Variants in URM1 observed in about 807,000 individuals in gnomAD.
URM1 encodes the protein ubiquitin related modifier 1, also known as ubiquitin-related modifier 1.
In URM1, 11 loss-of-function variants were observed where a neutral mutation model predicts 17.7. The ratio of observed to expected loss-of-function variants is 0.62; its 90% confidence interval spans 0.39 to 1.03. The LOEUF is 1.03. Ranked by LOEUF, URM1 falls within the 50% of genes least tolerant of loss-of-function variation. URM1 has a pLI of 0.00. For synonymous variants in URM1, 48 were observed against 50.6 expected (o/e 0.95, Z 0.22); for missense variants, 128 against 129.2 (o/e 0.99, Z 0.04).
At chr9:128,377,116 C>A (rs548420881) in intron 1 of URM1, among the ~76,000 whole-genome samples, 1 of 152,350 alleles carries the variant, frequency 6.6e-6, no homozygotes, top group South Asian at 2.1e-4. Context: ...AAGCAGTCAT[C>A]TCGCCTTGGC....
At position 128,379,240 on chromosome 9, in the gene URM1, G is replaced by C. The variant is rs12056967; in HGVS notation, c.106+1134G>C. On this transcript the variant is annotated intron_variant, in intron 2 of 4. Coordinates refer to ENST00000372853, the MANE Select transcript of URM1 (RefSeq NM_030914.4). ...CTCACACCTTTAATCCCAGCACTTTGGGAGGCTGAGGCGGGCAGATCACGA... is the reference window on the plus strand; with the variant it reads ...CTCACACCTTTAATCCCAGCACTTTCGGAGGCTGAGGCGGGCAGATCACGA... 2.1e-3 allele frequency among the ~76,000 whole-genome samples: 315 copies of C among 152,290 alleles called. 2 individuals carry two copies. The East Asian group carries it at 0.03, about 14-fold the overall frequency.
intron 3 of URM1, chr9:128,388,811 A>T: frequency 1.0e-6 from 1 of 990,608 alleles, no homozygotes; most frequent in Non-Finnish European, 1.2e-6. Flanking sequence ...GGCCTAAAAA[A>T]AAGCCGAAGT....
intron 1 of URM1, 121 bp downstream of exon 1, chr9:128,371,536 GC>G: frequency 9.9e-7 from 1 of 1,011,206 alleles, no homozygotes; most frequent in Non-Finnish European, 1.5e-6. Flanking sequence ...CCCGCTGTGA[GC>G]TACGCTACCC....
intron 1 of URM1, among the ~76,000 whole-genome samples, chr9:128,376,014 G>A (rs931649179): frequency 6.6e-6 from 1 of 152,094 alleles, no homozygotes; most frequent in African/African-American, 2.4e-5. Flanking sequence ...CTCTCTAGAA[G>A]GCAGAGGAGT....
At chr9:128,371,805 G>A (rs546971147) in intron 1 of URM1, among the ~76,000 whole-genome samples, 6 of 152,144 alleles carry the variant, frequency 3.9e-5, no homozygotes, top group Non-Finnish European at 7.3e-5. Flanking sequence ...TCATTCTTTG[G>A]GCAGCAGTTT....
intron 1 of URM1, among the ~76,000 whole-genome samples, chr9:128,377,011 G>C (rs936483524): frequency 6.6e-6 from 1 of 151,910 alleles, no homozygotes; most frequent in South Asian, 2.1e-4. Context: ...ATAATTTCCC[G>C]GGTGCCTAAT....
chr9:128,388,338 T>C, intron 3 of URM1: 8 of 997,900 alleles, frequency 8.0e-6, no homozygotes, highest in Non-Finnish European at 9.6e-6. Context: ...GGTCTAGAAT[T>C]CCAAGGAGTC....
intron 2 of URM1, among the ~76,000 whole-genome samples, chr9:128,383,235 CTTAA>C (rs1833182252): frequency 5.9e-5 from 9 of 152,194 alleles, no homozygotes; most frequent in Admixed American, 4.6e-4. Flanking sequence ...CCACTTTCTG[CTTAA>C]TTAAACAATG....
chr9:128,389,458 C>T (rs759022424), intron 4 of URM1, 149 bp downstream of exon 4: 1 of 1,571,878 alleles, frequency 6.4e-7, no homozygotes, highest in South Asian at 1.1e-5. Context: ...GAGTCTCCCA[C>T]TCCAGGTGAG....
At chr9:128,374,971 CT>C (rs753747836) in intron 1 of URM1, among the ~76,000 whole-genome samples, 4 of 152,322 alleles carry the variant, frequency 2.6e-5, no homozygotes, top group Non-Finnish European at 5.9e-5. Flanking sequence ...GCTTTCTGAC[CT>C]TTGGGAAGTC....
rs767627771 is a variant in URM1, at chr9:128,389,650, C to T, written c.238-16C>T. On this transcript the variant is annotated splice_polypyrimidine_tract_variant and intron_variant, in intron 4 of 4. Transcript: ENST00000372853. ...GTGGCCCTGAGGGTCTCCCGCTCCCCTCTCTCCCGCACCAGGGTGAGCTGG... is the reference window on the plus strand; with the variant it reads ...GTGGCCCTGAGGGTCTCCCGCTCCCTTCTCTCCCGCACCAGGGTGAGCTGG... The T allele has an allele frequency of 5.6e-6, 9 of 1,613,340 alleles. No individual in the cohort carries two copies. Among genetic ancestry groups the T allele is most frequent in the Non-Finnish European group, 6.8e-6 (8 of 1,179,958 alleles).
At chr9:128,375,152 C>T (rs1833060802) in intron 1 of URM1, among the ~76,000 whole-genome samples, 2 of 152,162 alleles carry the variant, frequency 1.3e-5, no homozygotes, top group South Asian at 2.1e-4. Flanking sequence ...TTCCTTCTTC[C>T]CTGGGACTCC....
At chr9:128,372,430 C>G (rs1833025402) in intron 1 of URM1, among the ~76,000 whole-genome samples, 1 of 152,044 alleles carries the variant, frequency 6.6e-6, no homozygotes, top group African/African-American at 2.4e-5. Context: ...CATGTTTTCC[C>G]TTAATTGGGT....
At chr9:128,375,777 C>G (rs1833068373) in intron 1 of URM1, among the ~76,000 whole-genome samples, 1 of 152,014 alleles carries the variant, frequency 6.6e-6, no homozygotes, top group African/African-American at 2.4e-5. Flanking sequence ...CCAGGCTGCT[C>G]TTGAACTCCT....
chr9:128,389,710 C>G lies in URM1; in HGVS notation c.282C>G (p.Phe94Leu). The change falls in exon 5 of 5, where the codon TTC becomes TTG. Residue 94 changes from phenylalanine (F) to leucine (L), a missense_variant. Transcript: ENST00000372853. ...YQLQDQDSVL[F>L]ISTLHGG ...TTCAGGACCAGGACAGCGTCCTCTTCATCTCCACTCTGCACGGCGGCTGAG... is the reference window on the plus strand; with the variant it reads ...TTCAGGACCAGGACAGCGTCCTCTTGATCTCCACTCTGCACGGCGGCTGAG... 2 of 1,613,600 alleles carry G rather than the reference C, an allele frequency of 1.2e-6. No homozygotes were observed. The highest frequency in any genetic ancestry group is 2.7e-5 in the African/African-American group (2 of 75,048).
intron 1 of URM1, among the ~76,000 whole-genome samples, chr9:128,376,273 GT>G (rs1833075795): frequency 6.6e-6 from 1 of 152,082 alleles, no homozygotes; most frequent in African/African-American, 2.4e-5. Flanking sequence ...GATGTGGGAG[GT>G]TTGCTTGAAC....
chr9:128,375,321 A>T (rs1039448429), intron 1 of URM1, among the ~76,000 whole-genome samples: 35 of 152,164 alleles, frequency 2.3e-4, no homozygotes, highest in African/African-American at 8.0e-4. Flanking sequence ...CATTCAAACC[A>T]TCATCTGGCC....
chr9:128,387,726 G>A lies in URM1; in HGVS notation c.107-90G>A. 3.1e-6 allele frequency: 5 copies of A among 1,595,118 alleles called. No individual in the cohort carries two copies. The highest frequency in any genetic ancestry group is 4.3e-6 in the Non-Finnish European group (5 of 1,169,380). The stretch of plus-strand genomic sequence containing the variant: ...CTAAAAGAAGCCCTCTAAACACCGT[G>A]TGTATTTCCTTGTGGGCCAGGCAAG... On this transcript the variant is annotated intron_variant, in intron 2 of 4. Transcript: ENST00000372853. This position sits in a 1 kb window ranked among gnomAD's most constrained non-coding sequence, Gnocchi z 4.3.
At chr9:128,389,110 A>G in intron 3 of URM1, 151 bp from the exon 4 acceptor site, 1 of 1,452,048 alleles carries the variant, frequency 6.9e-7, no homozygotes, top group Non-Finnish European at 9.0e-7. Flanking sequence ...CACTCAGACC[A>G]GCCTCCCCTT....
Sources: allele counts gnomAD v4.1 joint callset (sites outside exome capture counted in the v4.1 genomes callset), GRCh38; gene constraint gnomAD v4.1.1; non-coding constraint Gnocchi (gnomAD v3.1); transcripts MANE v1.5; gene names NCBI Gene and HGNC (gene_info 2026-07-23, HGNC 2026-07-21).